PEX16: variants seen among roughly 807,000 people sequenced by gnomAD.
The protein encoded by PEX16 is peroxisomal biogenesis factor 16, also known as peroxin 16.
Under a neutral mutation model 50.5 loss-of-function variants are expected in PEX16, and 37 were observed. The observed-to-expected ratio is 0.73, with a 90% CI of 0.56 to 0.96. The LOEUF (loss-of-function observed/expected upper bound fraction) is 0.96, where lower values mean the gene tolerates loss of function less well. Among genes scored for constraint, PEX16 ranks in the 40% least tolerant of loss-of-function variants. The pLI is 0.00. For synonymous variants in PEX16, 185 were observed against 190.3 expected, an observed-to-expected ratio of 0.97 and a Z score of 0.23; for missense variants, 401 against 438.3, an observed-to-expected ratio of 0.91 and a Z score of 0.76.
Position 45,910,967 on chromosome 11 carries a change from G to A in PEX16, c.888-5C>T, listed in dbSNP as rs2086772880. The stretch of plus-strand genomic sequence containing the variant: ...AGCAGGAAGAGGATCCTGGCCCTGG[G>A]GGAGGCAATAAATGGGGAGCAAGCT... On this transcript the variant is annotated splice_region_variant and splice_polypyrimidine_tract_variant and intron_variant, in intron 9 of 10. Transcript: ENST00000378750. 6.2e-7 allele frequency: 1 copy of A among 1,612,586 alleles called. No homozygotes were observed. The highest frequency in any genetic ancestry group is 8.5e-7 in the Non-Finnish European group (1 of 1,179,576).
chr11:45,913,871 TG>T lies in PEX16; in HGVS notation c.834del (p.Ile279SerfsTer78). 1 of 1,613,168 alleles carries T rather than the reference TG, an allele frequency of 6.2e-7. No individual in the cohort carries two copies. Among genetic ancestry groups the T allele is most frequent in the Non-Finnish European group, 8.5e-7 (1 of 1,179,918 alleles). On this transcript the variant is annotated frameshift_variant, in exon 9 of 11. Coordinates refer to ENST00000378750, the MANE Select transcript of PEX16 (RefSeq NM_004813.4). LOFTEE classifies it high-confidence loss of function. ...CGCAGCAGGTAGTAGAGCAGCAGGA[TG>T]GTCCGGCGCCGCAGCTCCCGCCGCT... Reference protein sequence around the residue: ...RRERRELRRRTILLLYYLLRS... With the variant: ...RRERRELRRRXILLLYYLLRS...
chr11:45,917,821 G>A lies in PEX16; in HGVS notation c.-10C>T, dbSNP rs755553702. On this transcript the variant is annotated 5_prime_UTR_variant, in exon 1 of 11. Transcript: ENST00000378750. ...GCCGCAGCTTCTCCATCCTGCCCTC[G>A]GCACCGACAGACCCACAGAAGGACC... 2 of 1,522,452 alleles carry A rather than the reference G, an allele frequency of 1.3e-6. No homozygotes were observed. Among genetic ancestry groups the A allele is most frequent in the South Asian group, 1.2e-5 (1 of 83,686 alleles). The allele number at this position is 1,522,452 out of a possible 1,614,324, so 94.3% of individuals were successfully genotyped here. A position where few individuals can be genotyped will look rare whatever the true frequency, so the allele number is the denominator to read the frequency against.
chr11:45,911,071 C>T, intron 9 of PEX16, 109 bp from the exon 10 acceptor site: 1 of 788,836 alleles, frequency 1.3e-6, no homozygotes, highest in South Asian at 1.4e-5. Context: ...GCAGCGCATT[C>T]CAGAAAACAA....
intron 10 of PEX16, among the ~76,000 whole-genome samples, chr11:45,910,544 C>G (rs1213829070): frequency 1.3e-5 from 2 of 152,352 alleles, no homozygotes; most frequent in South Asian, 2.1e-4. Context: ...GTCACCCAAC[C>G]CAAGCCCAGT....
chr11:45,915,907 G>A, intron 3 of PEX16, 71 bp from the exon 4 acceptor site: 2 of 1,479,220 alleles, frequency 1.4e-6, no homozygotes, highest in Non-Finnish European at 1.9e-6. Context: ...TCTCCTAGGA[G>A]GGAGCTTCTC....
Position 45,909,832 on chromosome 11 carries a change from G to A in PEX16, c.*422C>T, listed in dbSNP as rs2086755944. The A allele has an allele frequency of 1.8e-6, 1 of 552,116 alleles. No individual in the cohort carries two copies. Among genetic ancestry groups the A allele is most frequent in the Non-Finnish European group, 3.3e-6 (1 of 305,644 alleles). The allele number at this position is 552,116 out of a possible 1,614,324, so 34.2% of individuals were successfully genotyped here. Reference sequence around the variant, plus strand: ...GGGCCCTGCGGAGAAGGGGCAGACGGAGGGCCCCAGCCAGAAGACACGCTG... The same window carrying A: ...GGGCCCTGCGGAGAAGGGGCAGACGAAGGGCCCCAGCCAGAAGACACGCTG... On this transcript the variant is annotated 3_prime_UTR_variant, in exon 11 of 11. Transcript: ENST00000378750.
At chr11:45,914,760 GA>G in intron 5 of PEX16, 76 bp from the exon 6 acceptor site, 3 of 1,197,796 alleles carry the variant, frequency 2.5e-6, no homozygotes, top group Non-Finnish European at 3.7e-6. Flanking sequence ...CGTGTGCAGT[GA>G]ATGCTCAGGA....
rs141521876 is a variant in PEX16 at position 45,913,872 on chromosome 11, G to A, written c.834C>T (p.Thr278=). The change falls in exon 9 of 11, where the codon ACC becomes ACT. Residue 278 remains threonine, a synonymous_variant. Transcript: ENST00000378750. The stretch of plus-strand genomic sequence containing the variant: ...GCAGCAGGTAGTAGAGCAGCAGGAT[G>A]GTCCGGCGCCGCAGCTCCCGCCGCT... ...RRERRELRRR[T]ILLLYYLLRS... The A allele has an allele frequency of 2.5e-6, 4 of 1,612,934 alleles. No individual in the cohort carries two copies. In the African/African-American group the frequency reaches 4.0e-5, roughly 16 times the overall value.
intron 2 of PEX16, chr11:45,917,165 A>G (rs1312581502): frequency 1.0e-5 from 7 of 682,942 alleles, no homozygotes; most frequent in South Asian, 3.0e-5. Context: ...TGATGACAAT[A>G]AGTACCACTT....
Position 45,910,038 on chromosome 11 carries a change from C to T in PEX16, c.*216G>A. 1 of 1,517,158 alleles carries T rather than the reference C, an allele frequency of 6.6e-7. No homozygotes were observed. Among genetic ancestry groups the T allele is most frequent in the Non-Finnish European group, 9.1e-7 (1 of 1,096,704 alleles). 94.0% of individuals were successfully genotyped at this position (1,517,158 alleles called of 1,614,324 possible). A position where few individuals can be genotyped will look rare whatever the true frequency, so the allele number is the denominator to read the frequency against. ...CCACTCCTAGTGAAGGCTTCTTGGC[C>T]CAGCAGTGACAAGGTGCGGGCTGCA... On this transcript the variant is annotated 3_prime_UTR_variant, in exon 11 of 11. Coordinates refer to ENST00000378750, the MANE Select transcript of PEX16 (RefSeq NM_004813.4).
At chr11:45,913,746 C>T (rs1422757653) in intron 9 of PEX16, 73 bp downstream of exon 9, 7 of 1,568,108 alleles carry the variant, frequency 4.5e-6, no homozygotes, top group Admixed American at 3.3e-5. Context: ...GAAGGGAAGG[C>T]GCCAGCAGGG....
intron 1 of PEX16, 54 bp downstream of exon 1, chr11:45,917,646 A>C (rs1171571215): frequency 1.3e-6 from 2 of 1,490,386 alleles, no homozygotes; most frequent in Admixed American, 3.9e-5. Context: ...GAAGGGGGCC[A>C]CTGGGGTCAT....
chr11:45,915,076 G>A (rs1306566116), intron 5 of PEX16, among the ~76,000 whole-genome samples: 1 of 152,258 alleles, frequency 6.6e-6, no homozygotes, highest in East Asian at 1.9e-4. Flanking sequence ...CCAACTCAAT[G>A]TCCAGAGAGT....
upstream of PEX16, chr11:45,918,636 C>T (rs2086866901): frequency 6.6e-6 from 1 of 152,292 alleles, no homozygotes; most frequent in Non-Finnish European, 1.5e-5. Flanking sequence ...TCGGATTTCC[C>T]GATCTGTAAA....
chr11:45,914,635 C>T lies in PEX16; in HGVS notation c.510G>A (p.Arg170=). ...GNHEQSYVGK[R]SNRVVRTLQN... ...GGAGGGTTCGCACCACCCGGTTTGA[C>T]CGCTTCCCCACGTAGGACTGCTCAT... The change falls in exon 6 of 11, where the codon CGG becomes CGA. Residue 170 remains arginine, a synonymous_variant. Transcript: ENST00000378750. The T allele has an allele frequency of 1.2e-6, 2 of 1,614,216 alleles. No individual in the cohort carries two copies. The highest frequency in any genetic ancestry group is 1.7e-6 in the Non-Finnish European group (2 of 1,180,038).
intron 6 of PEX16, 49 bp from the exon 7 acceptor site, chr11:45,914,517 G>A (rs985796980): frequency 1.2e-6 from 2 of 1,611,118 alleles, no homozygotes; most frequent in East Asian, 2.2e-5. Context: ...GGCTGGGGCA[G>A]GGGAAGGTGG....
rs757594159 is a variant in PEX16, at chr11:45,916,266, G to A, written c.186C>T (p.Asp62=). The A allele has an allele frequency of 1.3e-5, 21 of 1,613,850 alleles. No homozygotes were observed. Among genetic ancestry groups the A allele is most frequent in the African/African-American group, 5.3e-5 (4 of 74,886 alleles). The part of the protein sequence containing the change: ...SASNLLVLLN[D]GILRKELRKK... ...TCCGAAGCTCCTTCCGTAGGATCCC[G>A]TCATTGAGCAGCACAAGCAGGTTAG... The change falls in exon 3 of 11, where the codon GAC becomes GAT. Residue 62 remains aspartate (D), a synonymous_variant. Transcript: ENST00000378750.
At chr11:45,912,424 G>A (rs1374083294) in intron 9 of PEX16, among the ~76,000 whole-genome samples, 7 of 152,126 alleles carry the variant, frequency 4.6e-5, no homozygotes, top group Admixed American at 2.0e-4. Flanking sequence ...GCATGAACCC[G>A]GGAGGCAGAG....
At chr11:45,916,541 C>A (rs2086837996) in intron 2 of PEX16, among the ~76,000 whole-genome samples, 1 of 152,240 alleles carries the variant, frequency 6.6e-6, no homozygotes, top group Admixed American at 6.5e-5. Flanking sequence ...CAGTTACTGC[C>A]CTGCTGGATG....
Sources: gnomAD v4.1 joint callset for allele counts (sites outside exome capture counted in the v4.1 genomes callset) on GRCh38, gnomAD v4.1.1 for gene constraint, MANE v1.5 for transcripts, NCBI Gene and HGNC (gene_info 2026-07-23, HGNC 2026-07-21) for gene names.